GPM6A: variants seen among roughly 807,000 people sequenced by gnomAD.
GPM6A encodes the protein glycoprotein M6A.
Under a neutral mutation model 32.1 loss-of-function variants are expected in GPM6A, and 7 were observed. The observed-to-expected ratio is 0.22, with a 90% CI of 0.12 to 0.41. GPM6A has a LOEUF of 0.41. GPM6A is among the 10% of genes least tolerant of loss of function. GPM6A has a pLI of 1.00. For missense variants in GPM6A, 235 were observed against 347.2 expected, an observed-to-expected ratio of 0.68 and a Z score of 2.57; for synonymous variants, 130 against 123.4, an observed-to-expected ratio of 1.05 and a Z score of -0.35.
At chr4:175,869,205 T>C (rs1468985102) in intron 1 of GPM6A, among the ~76,000 whole-genome samples, 1 of 152,182 alleles carries the variant, frequency 6.6e-6, no homozygotes. Flanking sequence ...CTTATTGTAT[T>C]TTCATCTTAC....
intron 2 of GPM6A, among the ~76,000 whole-genome samples, chr4:175,684,864 G>GTGTTT (rs907811332): frequency 1.9e-4 from 29 of 152,036 alleles, no homozygotes; most frequent in African/African-American, 3.9e-4. Context: ...GTGTGTGTGT[G>GTGTTT]TGTTTTGTTT....
chr4:175,971,877 C>T (rs1286857150), intron 1 of GPM6A: 1 of 152,054 alleles, frequency 6.6e-6, no homozygotes, highest in African/African-American at 2.4e-5. Flanking sequence ...AAAATCACAC[C>T]TTGTGAAAGT....
intron 1 of GPM6A, among the ~76,000 whole-genome samples, chr4:175,950,413 G>A (rs2126372314): frequency 6.6e-6 from 1 of 152,136 alleles, no homozygotes; most frequent in East Asian, 1.9e-4. Context: ...TATACAACTG[G>A]ATATAATTTT....
intron 3 of GPM6A, among the ~76,000 whole-genome samples, chr4:175,659,968 A>G (rs1011283596): frequency 2.6e-5 from 4 of 152,212 alleles, no homozygotes; most frequent in Non-Finnish European, 5.9e-5. Flanking sequence ...ATAAAAGGCA[A>G]CTGTTCACAA....
intron 1 of GPM6A, among the ~76,000 whole-genome samples, chr4:175,739,606 G>A (rs1045358925): frequency 6.6e-6 from 1 of 152,070 alleles, no homozygotes; most frequent in Non-Finnish European, 1.5e-5. Context: ...AAGCTGTTTT[G>A]TAAACATAGA....
At chr4:175,962,166 G>T in intron 1 of GPM6A, 1 of 946,198 alleles carries the variant, frequency 1.1e-6, no homozygotes, top group Non-Finnish European at 1.7e-6. Context: ...TCAACCCAAG[G>T]TGATCGAGCA....
At chr4:175,646,802 C>A (rs1406185248) in intron 4 of GPM6A, among the ~76,000 whole-genome samples, 1 of 152,198 alleles carries the variant, frequency 6.6e-6, no homozygotes, top group East Asian at 1.9e-4. Flanking sequence ...CACATCTAGA[C>A]AATGAGATGC....
chr4:175,941,337 TA>T (rs763067554), intron 1 of GPM6A, among the ~76,000 whole-genome samples: 25 of 152,204 alleles, frequency 1.6e-4, no homozygotes, highest in African/African-American at 5.1e-4. Flanking sequence ...CTTCATCTTT[TA>T]AAAAAAATTT....
intron 1 of GPM6A, chr4:175,906,650 T>C (rs1278157028): frequency 6.6e-6 from 1 of 152,176 alleles, no homozygotes; most frequent in Non-Finnish European, 1.5e-5. Context: ...AATCCAGTTT[T>C]ACCTTTCTTT....
chr4:175,689,947 C>G (rs1744205464), intron 2 of GPM6A, among the ~76,000 whole-genome samples: 1 of 152,138 alleles, frequency 6.6e-6, no homozygotes, highest in South Asian at 2.1e-4. Flanking sequence ...CTCTTTTTCT[C>G]CCAGTGCTGA....
chr4:175,977,503 C>G (rs1338406873), intron 1 of GPM6A, among the ~76,000 whole-genome samples: 1 of 152,070 alleles, frequency 6.6e-6, no homozygotes, highest in Non-Finnish European at 1.5e-5. Flanking sequence ...CCTAGATATT[C>G]CTAGTGAATG....
chr4:175,848,132 C>T (rs574822659), intron 1 of GPM6A, among the ~76,000 whole-genome samples: 1 of 152,294 alleles, frequency 6.6e-6, no homozygotes, highest in Non-Finnish European at 1.5e-5. Flanking sequence ...CCTTTCTTGA[C>T]TAGTTGTCAA....
At chr4:175,808,147 G>A (rs1374466401) in intron 1 of GPM6A, among the ~76,000 whole-genome samples, 1 of 152,126 alleles carries the variant, frequency 6.6e-6, no homozygotes, top group Non-Finnish European at 1.5e-5. Context: ...AAGGAAAGGT[G>A]AGGTTCTAGA....
chr4:175,824,160 G>A (rs917515736), intron 1 of GPM6A, among the ~76,000 whole-genome samples: 1 of 152,180 alleles, frequency 6.6e-6, no homozygotes, highest in African/African-American at 2.4e-5. Context: ...CTGACATATG[G>A]TCTCTTTGGA....
intron 1 of GPM6A, among the ~76,000 whole-genome samples, chr4:175,852,801 T>C (rs1736299547): frequency 1.3e-5 from 2 of 152,148 alleles, no homozygotes. Context: ...AAAAAAATCT[T>C]GAAACTTCAA....
intron 1 of GPM6A, among the ~76,000 whole-genome samples, chr4:175,942,525 C>T (rs1268467519): frequency 6.6e-6 from 1 of 152,110 alleles, no homozygotes; most frequent in African/African-American, 2.4e-5. Context: ...ATGTTTAAGT[C>T]TTTAATCCAT....
chr4:175,993,639 T>A (rs897517519), intron 1 of GPM6A, among the ~76,000 whole-genome samples: 5 of 152,222 alleles, frequency 3.3e-5, no homozygotes, highest in African/African-American at 1.2e-4. Context: ...TTTTGTATTT[T>A]TGTATCTTTC....
intron 1 of GPM6A, among the ~76,000 whole-genome samples, chr4:175,714,713 A>G (rs1468780011): frequency 6.6e-6 from 1 of 152,178 alleles, no homozygotes; most frequent in Non-Finnish European, 1.5e-5. Context: ...TGACATTTTT[A>G]TGTTTAAAAT....
chr4:175,816,620 T>G (rs1245520807), upstream of GPM6A, among the ~76,000 whole-genome samples: 2 of 151,974 alleles, frequency 1.3e-5, no homozygotes, highest in East Asian at 3.9e-4. Flanking sequence ...AGAGAGGAGA[T>G]GTGGAAAAGA....
Sources: gnomAD v4.1 joint callset for allele counts (sites outside exome capture counted in the v4.1 genomes callset) on GRCh38, gnomAD v4.1.1 for gene constraint, MANE v1.5 for transcripts, NCBI Gene and HGNC (gene_info 2026-07-23, HGNC 2026-07-21) for gene names.